NUP153: variants seen among roughly 807,000 people sequenced by gnomAD.
The protein encoded by NUP153 is nucleoporin 153.
A neutral mutation model predicts 134.6 loss-of-function variants in NUP153; 27 were observed. The observed-to-expected ratio is 0.20, with a 90% CI of 0.15 to 0.28. The LOEUF is 0.28. Ranked by LOEUF, NUP153 falls within the 10% of genes least tolerant of loss-of-function variation. The probability of loss-of-function intolerance (pLI) is 1.00; values close to 1 mark genes in which losing one functional copy is unlikely to be tolerated. For synonymous variants in NUP153, 640 were observed against 623.5 expected, an observed-to-expected ratio of 1.03 and a Z score of -0.40; for missense variants, 1,821 against 1,731.3, an observed-to-expected ratio of 1.05 and a Z score of -0.92.
chr6:17,655,603 G>A (rs888609719), intron 11 of NUP153, among the ~76,000 whole-genome samples: 4 of 151,610 alleles, frequency 2.6e-5, no homozygotes, highest in African/African-American at 9.7e-5. Flanking sequence ...ACATGTGCCC[G>A]CCATCACACC....
At position 17,668,985 on chromosome 6, in the gene NUP153, T is replaced by C. The variant is rs542870868; in HGVS notation, c.1058A>G (p.Lys353Arg). 1.3e-4 allele frequency: 209 copies of C among 1,556,542 alleles called. 4 individuals are homozygous for C. In the South Asian group the frequency reaches 2.3e-3, roughly 17 times the overall value. The change falls in exon 8 of 22, where the codon AAA becomes AGA. Residue 353 changes from lysine to arginine, a missense_variant. Physicochemically the swap from Lys to Arg is conservative, Grantham distance 26 (BLOSUM62 2). Coordinates refer to ENST00000262077, the MANE Select transcript of NUP153 (RefSeq NM_005124.4). ...SGIDITDFQA[K>R]REKVDSQYPP... ...CTAAAGAAGTTTTACCTTTTCTCTTTTGGCCTGAAAATCTGTGATATCTAT... is the reference window on the plus strand; with the variant it reads ...CTAAAGAAGTTTTACCTTTTCTCTTCTGGCCTGAAAATCTGTGATATCTAT...
In NUP153 at chr6:17,628,251, G is replaced by A. The variant is rs10949434; in HGVS notation, c.3544+404C>T. ...TCTATGTTTCTTAATGTTTGATGAG[G>A]ACTGGTTATCTGTAACTATTTGTAA... On this transcript the variant is annotated intron_variant, in intron 18 of 21. Transcript: ENST00000262077. The surrounding 1 kb of genome is among the most constrained non-coding windows in gnomAD (Gnocchi z 5.4). Among the ~76,000 whole-genome samples, 32,698 of 152,002 alleles carry A rather than the reference G, an allele frequency of 0.22. 4,069 individuals carry two copies. The highest frequency in any genetic ancestry group is 0.28 in the Non-Finnish European group (18,736 of 67,946).
At chr6:17,662,426 T>TA (rs1267440307) in intron 9 of NUP153, among the ~76,000 whole-genome samples, 6 of 152,158 alleles carry the variant, frequency 3.9e-5, no homozygotes, top group Non-Finnish European at 8.8e-5. Flanking sequence ...CCCTACAACT[T>TA]AAAGAATTAA....
chr6:17,634,136 T>C (rs2113779729), intron 16 of NUP153, among the ~76,000 whole-genome samples: 1 of 152,254 alleles, frequency 6.6e-6, no homozygotes. Flanking sequence ...CACTAACCCA[T>C]CTCTTGCTTG....
intron 17 of NUP153, among the ~76,000 whole-genome samples, chr6:17,630,157 A>C (rs1191888165): frequency 6.6e-6 from 1 of 152,224 alleles, no homozygotes; most frequent in Non-Finnish European, 1.5e-5. Context: ...GCATAAAGAA[A>C]CTTTGAAAGA....
chr6:17,681,594 A>C (rs375853231), intron 2 of NUP153, among the ~76,000 whole-genome samples: 1 of 152,212 alleles, frequency 6.6e-6, no homozygotes, highest in South Asian at 2.1e-4. Flanking sequence ...AAACAAAACA[A>C]AAATAAAAAA....
intron 14 of NUP153, among the ~76,000 whole-genome samples, chr6:17,645,682 T>G (rs1043432934): frequency 6.6e-6 from 1 of 152,128 alleles, no homozygotes; most frequent in Non-Finnish European, 1.5e-5. Flanking sequence ...TACATAAAAA[T>G]GCTTGTGAAC....
chr6:17,654,605 C>T (rs1338801480), intron 11 of NUP153, among the ~76,000 whole-genome samples: 3 of 152,176 alleles, frequency 2.0e-5, no homozygotes, highest in Non-Finnish European at 4.4e-5. Flanking sequence ...CAGGCATGAA[C>T]CACCGCGCCC....
chr6:17,618,522 A>C (rs1221129438), intron 20 of NUP153, among the ~76,000 whole-genome samples: 1 of 151,934 alleles, frequency 6.6e-6, no homozygotes, highest in African/African-American at 2.4e-5. Flanking sequence ...ATAAAAAAGA[A>C]TACTTAGAAA....
intron 16 of NUP153, among the ~76,000 whole-genome samples, chr6:17,634,443 T>C (rs1481693045): frequency 2.1e-5 from 2 of 97,352 alleles, no homozygotes; most frequent in African/African-American, 5.5e-5. Flanking sequence ...TTACATACAT[T>C]TTTTTTTTTT....
At chr6:17,640,109 T>C in intron 14 of NUP153, 45 bp from the exon 15 acceptor site, 1 of 1,375,672 alleles carries the variant, frequency 7.3e-7, no homozygotes, top group Non-Finnish European at 9.7e-7. Context: ...AATAAAACAC[T>C]GGACTCTCAA....
intron 2 of NUP153, among the ~76,000 whole-genome samples, chr6:17,685,321 G>A (rs1219578033): frequency 6.6e-6 from 1 of 152,148 alleles, no homozygotes; most frequent in Non-Finnish European, 1.5e-5. Flanking sequence ...GCTGAGGAAG[G>A]TGGATCATGA....
chr6:17,633,854 G>A (rs559415284), intron 16 of NUP153, among the ~76,000 whole-genome samples: 1 of 152,122 alleles, frequency 6.6e-6, no homozygotes, highest in South Asian at 2.1e-4. Context: ...CAACCAAATT[G>A]CTCCCTGGGG....
rs1561853236 is a variant in NUP153 at position 17,625,211 on chromosome 6, G to C, written c.3902-378C>G. Among the ~76,000 whole-genome samples the C allele has an allele frequency of 6.6e-6, 1 of 152,132 alleles. No individual in the cohort carries two copies. The highest frequency in any genetic ancestry group is 1.5e-5 in the Non-Finnish European group (1 of 68,008). On this transcript the variant is annotated intron_variant, in intron 19 of 21. Coordinates refer to ENST00000262077, the MANE Select transcript of NUP153 (RefSeq NM_005124.4). The surrounding 1 kb of genome is among the most constrained non-coding windows in gnomAD (Gnocchi z 4.7). ...CTGATGTTTAATAAAACAACTTCCA[G>C]TGTCTGGTTACTGACAACCTAACAT...
At position 17,625,861 on chromosome 6, in the gene NUP153, T is replaced by G. The variant is rs757083732; in HGVS notation, c.3848A>C (p.Asn1283Thr). ...FVFGPGASSN[N>T]TTTSGFGFGA... is the part of the protein sequence containing the mutation. ...AAAGCCGAAACCAGAGGTGGTAGTA[T>G]TATTACTGCTGGCTCCTGGACCAAA... Residue 1283 changes from asparagine to threonine, a missense_variant, in exon 19 of 22, where the codon AAT becomes ACT. By Grantham distance (65) the Asn-to-Thr change is moderately conservative. Coordinates refer to ENST00000262077, the MANE Select transcript of NUP153 (RefSeq NM_005124.4). This position sits in a 1 kb window ranked among gnomAD's most constrained non-coding sequence, Gnocchi z 4.7. The G allele has an allele frequency of 6.2e-7, 1 of 1,614,204 alleles. No homozygotes were observed. The highest frequency in any genetic ancestry group is 1.1e-5 in the South Asian group (1 of 91,088).
In NUP153 at chr6:17,639,084, C is replaced by CT. The variant is rs921703974; in HGVS notation, c.1846+854dup. On this transcript the variant is annotated intron_variant, in intron 15 of 21. Transcript: ENST00000262077. Reference sequence around the variant, plus strand: ...TTTTATTCTTTTTTTCTTTTCCTTTCTTTTTTTTTTAAAGACAGAGTCTTG... The same window carrying CT: ...TTTTATTCTTTTTTTCTTTTCCTTTCTTTTTTTTTTTAAAGACAGAGTCTTG... Among the ~76,000 whole-genome samples the CT allele has an allele frequency of 1.1e-3, 164 of 148,182 alleles. 1 individual carries two copies. Among genetic ancestry groups the CT allele is most frequent in the African/African-American group, 3.6e-3 (147 of 40,618 alleles).
chr6:17,694,652 G>A (rs1363309065), intron 1 of NUP153, among the ~76,000 whole-genome samples: 1 of 151,616 alleles, frequency 6.6e-6, no homozygotes, highest in Non-Finnish European at 1.5e-5. Context: ...GCAAGACTCC[G>A]TCTCACAAAA....
intron 10 of NUP153, 91 bp downstream of exon 10, chr6:17,661,927 G>T: frequency 7.9e-7 from 1 of 1,267,032 alleles, no homozygotes; most frequent in South Asian, 1.3e-5. Flanking sequence ...TCTGTTCTTT[G>T]ATTTTAATCT....
At chr6:17,657,128 G>A (rs189072585) in intron 11 of NUP153, among the ~76,000 whole-genome samples, 1 of 152,230 alleles carries the variant, frequency 6.6e-6, no homozygotes, top group Non-Finnish European at 1.5e-5. Context: ...CTGAAGCTCA[G>A]GTTGATTATT....
Sources: gnomAD v4.1 joint callset for allele counts (sites outside exome capture counted in the v4.1 genomes callset) on GRCh38, gnomAD v4.1.1 for gene constraint, Gnocchi (gnomAD v3.1) non-coding constraint, MANE v1.5 for transcripts, NCBI Gene and HGNC (gene_info 2026-07-23, HGNC 2026-07-21) for gene names.